KCNIP4: variants seen among roughly 807,000 people sequenced by gnomAD.
KCNIP4 encodes the protein Kv channel-interacting protein 4.
KCNIP4 carries 12 observed loss-of-function variants against 34.0 expected under a neutral mutation model. The ratio of observed to expected loss-of-function variants is 0.35; its 90% CI spans 0.23 to 0.57. The LOEUF is 0.57. Ranked by LOEUF, KCNIP4 falls within the 20% of genes least tolerant of loss-of-function variation. The pLI is 0.83. For missense variants in KCNIP4, 238 were observed against 311.7 expected (o/e 0.76, Z 1.78); for synonymous variants, 124 against 102.2 (o/e 1.21, Z -1.29).
At chr4:21,140,154 G>A (rs950855043) in intron 1 of KCNIP4, among the ~76,000 whole-genome samples, 1 of 152,086 alleles carries the variant, frequency 6.6e-6, no homozygotes, top group African/African-American at 2.4e-5. Flanking sequence ...ATTACAGGCA[G>A]CTACAGTATA....
chr4:21,545,550 G>A (rs1448305250), intron 1 of KCNIP4, among the ~76,000 whole-genome samples: 3 of 152,012 alleles, frequency 2.0e-5, no homozygotes, highest in East Asian at 1.9e-4. Flanking sequence ...CCAAACCCAC[G>A]ACAGGCCCGG....
At chr4:21,495,310 G>C (rs1258572249) in intron 1 of KCNIP4, among the ~76,000 whole-genome samples, 2 of 152,122 alleles carry the variant, frequency 1.3e-5, no homozygotes, top group Non-Finnish European at 2.9e-5. Context: ...GATTTTTCTA[G>C]CACTATTCCT....
chr4:20,783,356 A>C (rs553935531), intron 3 of KCNIP4, among the ~76,000 whole-genome samples: 37 of 152,314 alleles, frequency 2.4e-4, no homozygotes, highest in Admixed American at 1.2e-3. Context: ...GTCAGTTTTC[A>C]CACTACTGAT....
intron 1 of KCNIP4, among the ~76,000 whole-genome samples, chr4:20,924,648 A>G (rs1229155237): frequency 6.6e-6 from 1 of 152,210 alleles, no homozygotes; most frequent in African/African-American, 2.4e-5. Context: ...GTAAGCATAT[A>G]TGTCAAAATG....
At chr4:20,939,750 A>G (rs896045405) in intron 1 of KCNIP4, among the ~76,000 whole-genome samples, 1 of 152,118 alleles carries the variant, frequency 6.6e-6, no homozygotes, top group Admixed American at 6.5e-5. Flanking sequence ...TTTCTTACCC[A>G]GTCACCCACA....
intron 3 of KCNIP4, among the ~76,000 whole-genome samples, chr4:20,817,111 C>T (rs1330606655): frequency 6.6e-6 from 1 of 152,140 alleles, no homozygotes; most frequent in Non-Finnish European, 1.5e-5. Context: ...CACAAAGGTT[C>T]AGTCAATCTC....
At chr4:20,920,890 G>A (rs1338416626) in intron 1 of KCNIP4, among the ~76,000 whole-genome samples, 1 of 152,148 alleles carries the variant, frequency 6.6e-6, no homozygotes, top group Non-Finnish European at 1.5e-5. Context: ...TCGGGAGGCT[G>A]AGGCAGGAGA....
chr4:20,868,746 A>C (rs911531315), intron 2 of KCNIP4, among the ~76,000 whole-genome samples: 3 of 151,546 alleles, frequency 2.0e-5, no homozygotes, highest in Admixed American at 2.0e-4. Flanking sequence ...GAATAGAAAA[A>C]CAAATACTGC....
intron 1 of KCNIP4, among the ~76,000 whole-genome samples, chr4:21,614,618 T>C (rs1439031558): frequency 1.3e-5 from 2 of 148,946 alleles, no homozygotes; most frequent in East Asian, 3.9e-4. Context: ...AAATTAAAAT[T>C]AAATATACAT....
intron 1 of KCNIP4, among the ~76,000 whole-genome samples, chr4:21,612,954 T>C (rs1418746284): frequency 6.6e-6 from 1 of 152,146 alleles, no homozygotes; most frequent in African/African-American, 2.4e-5. Context: ...TTTTAATAGA[T>C]GTCAGGCAAA....
At chr4:20,956,796 C>T (rs763895488) in intron 1 of KCNIP4, among the ~76,000 whole-genome samples, 6 of 152,228 alleles carry the variant, frequency 3.9e-5, no homozygotes, top group Non-Finnish European at 7.4e-5. Context: ...CCGCTATTTA[C>T]AAATTTATGA....
At chr4:20,747,123 G>A (rs573435977) in intron 5 of KCNIP4, among the ~76,000 whole-genome samples, 8 of 152,092 alleles carry the variant, frequency 5.3e-5, no homozygotes, top group East Asian at 3.9e-4. Flanking sequence ...TATAATCAAC[G>A]TTCATTGCAA....
In KCNIP4 at chr4:21,306,272, C is replaced by A. The variant is rs1203810403; in HGVS notation, c.62-423563G>T. ...AAACCCATTACTTCATCCCATTATCCAACAGGGCTTTAAATGAATTAAAAA... is the reference window on the plus strand; with the variant it reads ...AAACCCATTACTTCATCCCATTATCAAACAGGGCTTTAAATGAATTAAAAA... On this transcript the variant is annotated intron_variant, in intron 1 of 8. Transcript: ENST00000382152. 1.3e-4 allele frequency among the ~76,000 whole-genome samples: 20 copies of A among 152,202 alleles called. 1 individual carries two copies. Among genetic ancestry groups the A allele is most frequent in the Admixed American group, 1.3e-3 (20 of 15,286 alleles).
chr4:21,489,571 G>A (rs1732202628), intron 1 of KCNIP4, among the ~76,000 whole-genome samples: 1 of 152,020 alleles, frequency 6.6e-6, no homozygotes, highest in Non-Finnish European at 1.5e-5. Flanking sequence ...ATTTTTCAGA[G>A]TGGTACAGCT....
At chr4:20,966,628 C>A (rs1044311755) in intron 1 of KCNIP4, among the ~76,000 whole-genome samples, 2 of 152,068 alleles carry the variant, frequency 1.3e-5, no homozygotes, top group African/African-American at 4.8e-5. Flanking sequence ...ATGGAAAATA[C>A]CTATGGACTA....
At chr4:21,142,066 G>A (rs28731162) in intron 1 of KCNIP4, among the ~76,000 whole-genome samples, 4,008 of 149,648 alleles carry the variant, frequency 0.027, 165 homozygotes, top group African/African-American at 0.093. Context: ...CAGGAGAATC[G>A]TGTGAACCCG....
At chr4:21,456,578 A>T (rs545024811) in intron 1 of KCNIP4, among the ~76,000 whole-genome samples, 1 of 148,362 alleles carries the variant, frequency 6.7e-6, no homozygotes, top group African/African-American at 2.6e-5. Context: ...TTCATAATTT[A>T]TAAGATGAAT....
At chr4:21,767,057 T>C (rs1243716868) in intron 1 of KCNIP4, among the ~76,000 whole-genome samples, 1 of 151,558 alleles carries the variant, frequency 6.6e-6, no homozygotes, top group South Asian at 2.1e-4. Context: ...AGAAAGGGAG[T>C]CAGGGAATCT....
intron 2 of KCNIP4, among the ~76,000 whole-genome samples, chr4:20,881,169 A>C (rs1227337765): frequency 6.6e-6 from 1 of 152,176 alleles, no homozygotes; most frequent in Non-Finnish European, 1.5e-5. Flanking sequence ...AAATTAATTA[A>C]ATCTTATTAT....
Sources: allele counts gnomAD v4.1 joint callset (sites outside exome capture counted in the v4.1 genomes callset), GRCh38; gene constraint gnomAD v4.1.1; transcripts MANE v1.5; gene names NCBI Gene and HGNC (gene_info 2026-07-23, HGNC 2026-07-21).